The following DMD variants were observed in gnomAD, a reference collection of about 807,000 sequenced individuals.
The protein encoded by DMD is mutant dystrophin.
In DMD, 63 loss-of-function variants were observed where a neutral mutation model predicts 330.1. The observed-to-expected ratio is 0.19, with a 90% confidence interval of 0.16 to 0.24. DMD has a LOEUF of 0.24. DMD is among the 10% of genes least tolerant of loss of function. The pLI is 1.00. For synonymous variants in DMD, 1,223 were observed against 959.8 expected, an observed-to-expected ratio of 1.27 and a Z score of -5.07; for missense variants, 3,344 against 2,684.1, an observed-to-expected ratio of 1.25 and a Z score of -5.43.
intron 60 of DMD, among the ~76,000 whole-genome samples, chrX:31,399,701 G>A (rs769800186): frequency 9.0e-6 from 1 of 111,341 alleles, no homozygotes; most frequent in East Asian, 2.8e-4. Flanking sequence ...GGGGTACTAG[G>A]ATTAGATCTG....
intron 51 of DMD, among the ~76,000 whole-genome samples, chrX:31,747,934 G>C (rs1401254186): frequency 8.9e-6 from 1 of 112,112 alleles, no homozygotes; most frequent in Non-Finnish European, 1.9e-5. Context: ...CATTTCTCTA[G>C]TGATTCCTTT....
chrX:31,196,948 A>T (rs2042966795), intron 67 of DMD, among the ~76,000 whole-genome samples: 1 of 110,166 alleles, frequency 9.1e-6, no homozygotes, highest in Admixed American at 9.7e-5. Flanking sequence ...AGAGAAACAG[A>T]ATCTCCAGAA....
intron 48 of DMD, among the ~76,000 whole-genome samples, chrX:31,845,154 A>C (rs1024294364): frequency 1.5e-4 from 17 of 110,455 alleles, no homozygotes; most frequent in Non-Finnish European, 3.2e-4. Flanking sequence ...TATTTTAGGC[A>C]ATGTGAGCAC....
chrX:31,447,923 C>T (rs1233807978), intron 59 of DMD, among the ~76,000 whole-genome samples: 4 of 103,424 alleles, frequency 3.9e-5, no homozygotes, highest in Non-Finnish European at 7.8e-5. Context: ...ATGAGAAGCG[C>T]TTGAACCTGG....
chrX:31,384,321 T>C (rs200419222), intron 60 of DMD, among the ~76,000 whole-genome samples: 2 of 61,484 alleles, frequency 3.3e-5, no homozygotes, highest in Non-Finnish European at 7.7e-5. Flanking sequence ...CTACTACTAC[T>C]ACTACTACTA....
chrX:32,428,460 AATCATCACT>A (rs2098222326), intron 29 of DMD, among the ~76,000 whole-genome samples: 1 of 111,890 alleles, frequency 8.9e-6, no homozygotes, highest in South Asian at 3.6e-4. Context: ...ATCAACTGTT[AATCATCACT>A]ATCTTCACTA....
At chrX:32,617,265 T>C (rs2057655881) in intron 11 of DMD, among the ~76,000 whole-genome samples, 1 of 111,561 alleles carries the variant, frequency 9.0e-6, no homozygotes. Context: ...ACTAATAATA[T>C]GGTTCTTTGG....
chrX:33,044,760 A>G (rs997534213), intron 1 of DMD, among the ~76,000 whole-genome samples: 4 of 111,986 alleles, frequency 3.6e-5, no homozygotes, highest in Non-Finnish European at 5.6e-5. Context: ...ATTCAGAGAT[A>G]AATTTATTCT....
In DMD at chrX:32,118,739, G is replaced by C. The variant is rs189317627; in HGVS notation, c.6438+98177C>G. Reference sequence around the variant, plus strand: ...CCAACCTTTTCGGCACCAGAGACTGGTTTAGAGGAAGACAATTTTTCCATG... The same window carrying C: ...CCAACCTTTTCGGCACCAGAGACTGCTTTAGAGGAAGACAATTTTTCCATG... On this transcript the variant is annotated intron_variant, in intron 44 of 78. Transcript: ENST00000357033. 5.3e-4 allele frequency among the ~76,000 whole-genome samples: 55 copies of C among 104,414 alleles called. No homozygotes were observed. In the Middle Eastern group the frequency reaches 0.019, roughly 36 times the overall value. 90.7% of individuals were successfully genotyped at this position (104,414 alleles called of 115,157 possible).
intron 62 of DMD, among the ~76,000 whole-genome samples, chrX:31,319,196 C>G (rs2056252367): frequency 9.0e-6 from 1 of 111,438 alleles, no homozygotes. Context: ...TATAACAGAG[C>G]TGGAAAAGAT....
At chrX:32,317,595 C>T (rs1054273904) in intron 41 of DMD, among the ~76,000 whole-genome samples, 15 of 111,269 alleles carry the variant, frequency 1.3e-4, no homozygotes, top group African/African-American at 4.9e-4. Flanking sequence ...AAAATGTTTT[C>T]CTCCATGATT....
chrX:32,510,991 T>G (rs1210315990), intron 18 of DMD, among the ~76,000 whole-genome samples: 2 of 110,086 alleles, frequency 1.8e-5, no homozygotes, highest in Non-Finnish European at 3.8e-5. Context: ...TGTGTGTATG[T>G]ACATATATGT....
intron 50 of DMD, among the ~76,000 whole-genome samples, chrX:31,807,067 C>A (rs191320424): frequency 2.7e-5 from 3 of 111,293 alleles, no homozygotes; most frequent in African/African-American, 9.8e-5. Context: ...ACCCTTTTGA[C>A]GGCCGAAGGG....
chrX:32,849,654 A>C (rs2080971391), intron 3 of DMD, 74 bp downstream of exon 3: 2 of 806,734 alleles, frequency 2.5e-6, no homozygotes, highest in African/African-American at 2.0e-5. Context: ...AGATGTCATA[A>C]AACTATGTTG....
At chrX:32,929,341 T>C (rs1407804143) in intron 2 of DMD, among the ~76,000 whole-genome samples, 3 of 111,110 alleles carry the variant, frequency 2.7e-5, no homozygotes, top group Non-Finnish European at 5.7e-5. Context: ...TGAATGCTAC[T>C]AAGCTCCCTT....
At chrX:33,262,142 G>A (rs2052967384) in intron 1 of DMD, among the ~76,000 whole-genome samples, 1 of 111,110 alleles carries the variant, frequency 9.0e-6, no homozygotes, top group South Asian at 3.6e-4. Flanking sequence ...ATATTGAGAA[G>A]AAAAAAGCTA....
At chrX:32,842,701 C>A (rs1352424997) in intron 4 of DMD, among the ~76,000 whole-genome samples, 1 of 111,975 alleles carries the variant, frequency 8.9e-6, no homozygotes, top group East Asian at 2.8e-4. Flanking sequence ...TGTTAGTTTA[C>A]TTAGGATAAT....
intron 47 of DMD, among the ~76,000 whole-genome samples, chrX:31,917,456 A>T (rs1440561134): frequency 8.9e-6 from 1 of 112,312 alleles, no homozygotes; most frequent in African/African-American, 3.2e-5. Flanking sequence ...AAAGATTAAT[A>T]AAAACCAGGA....
chrX:33,159,725 G>A (rs1245731806), intron 1 of DMD: 2 of 111,482 alleles, frequency 1.8e-5, no homozygotes, highest in Non-Finnish European at 3.8e-5. Context: ...TTGCTCTTGG[G>A]AATAGTGCTG....
Sources: allele counts gnomAD v4.1 joint callset (sites outside exome capture counted in the v4.1 genomes callset), GRCh38; gene constraint gnomAD v4.1.1; transcripts MANE v1.5; gene names NCBI Gene and HGNC (gene_info 2026-07-23, HGNC 2026-07-21).